CLSTN2: variants seen among roughly 807,000 people sequenced by gnomAD.
The protein encoded by CLSTN2 is calsyntenin 2.
CLSTN2 carries 48 observed loss-of-function variants against 101.2 expected under a neutral mutation model. The observed-to-expected ratio is 0.47, with a 90% CI of 0.38 to 0.60. CLSTN2 has a LOEUF of 0.60. Ranked by LOEUF, CLSTN2 falls within the 20% of genes least tolerant of loss-of-function variation. The probability of loss-of-function intolerance (pLI) is 0.00; values close to 1 mark genes in which losing one functional copy is unlikely to be tolerated. For missense variants in CLSTN2, 1,160 were observed against 1,238.2 expected, an observed-to-expected ratio of 0.94 and a Z score of 0.95; for synonymous variants, 481 against 463.6, an observed-to-expected ratio of 1.04 and a Z score of -0.48.
chr3:140,553,793 T>G (rs6778832), intron 10 of CLSTN2, among the ~76,000 whole-genome samples: 32,500 of 152,112 alleles, frequency 0.21, 4,355 homozygotes, highest in African/African-American at 0.38. Flanking sequence ...GTCATGTGAC[T>G]CTGGCCACCT....
chr3:140,469,616 T>C (rs555305054), intron 8 of CLSTN2, among the ~76,000 whole-genome samples: 1 of 152,332 alleles, frequency 6.6e-6, no homozygotes, highest in African/African-American at 2.4e-5. Flanking sequence ...TCCCCATTCC[T>C]ACTGTTCTGT....
chr3:140,076,626 T>G (rs934431361), intron 1 of CLSTN2, among the ~76,000 whole-genome samples: 2 of 9,972 alleles, frequency 2.0e-4, no homozygotes, highest in East Asian at 1.4e-3. Context: ...ACCAGCAGTG[T>G]TTTTTTTTTT....
intron 2 of CLSTN2, among the ~76,000 whole-genome samples, chr3:140,305,551 C>T (rs1401122275): frequency 6.6e-6 from 1 of 152,128 alleles, no homozygotes; most frequent in Non-Finnish European, 1.5e-5. Context: ...GAGAAGCTCA[C>T]CAGGGACTTT....
intron 2 of CLSTN2, among the ~76,000 whole-genome samples, chr3:140,191,857 C>A (rs148572000): frequency 6.6e-6 from 1 of 151,714 alleles, no homozygotes; most frequent in East Asian, 1.9e-4. Flanking sequence ...TTCTTTATTG[C>A]TTTTCTGTAT....
In CLSTN2 at chr3:140,276,485, T is replaced by C. The variant is rs549902102; in HGVS notation, c.232+100412T>C. ...GCCAAGTACTATCTGAGTCTGGCTT[T>C]CTCTTGAGACTAGGAATTGAGTGTA... is the stretch of plus-strand genomic sequence containing the variant. On this transcript the variant is annotated intron_variant, in intron 2 of 16. Coordinates refer to ENST00000458420, the MANE Select transcript of CLSTN2 (RefSeq NM_022131.3). Among the ~76,000 whole-genome samples the C allele has an allele frequency of 1.1e-4, 16 of 152,274 alleles. No homozygotes were observed. The South Asian group carries it at 3.1e-3, about 30-fold the overall frequency.
At chr3:140,438,999 G>C (rs570519170) in intron 5 of CLSTN2, among the ~76,000 whole-genome samples, 1 of 152,336 alleles carries the variant, frequency 6.6e-6, no homozygotes, top group Non-Finnish European at 1.5e-5. Flanking sequence ...CGGCCCCCCA[G>C]ACAGCCAGGG....
chr3:140,221,163 A>G (rs1257728045), intron 2 of CLSTN2, among the ~76,000 whole-genome samples: 3 of 152,202 alleles, frequency 2.0e-5, no homozygotes, highest in African/African-American at 7.2e-5. Flanking sequence ...AGACACAGCA[A>G]CCCATTGCAG....
chr3:140,040,915 A>T (rs2007748766), intron 1 of CLSTN2, among the ~76,000 whole-genome samples: 1 of 152,058 alleles, frequency 6.6e-6, no homozygotes, highest in Admixed American at 6.6e-5. Context: ...TTCTGGCATG[A>T]TGGGAGGATG....
chr3:140,143,696 A>G (rs764439748), intron 1 of CLSTN2, among the ~76,000 whole-genome samples: 1 of 152,228 alleles, frequency 6.6e-6, no homozygotes, highest in Non-Finnish European at 1.5e-5. Context: ...TGTGCCAGTC[A>G]GGAAGCCTGC....
At chr3:140,325,855 C>G (rs1264305075) in intron 2 of CLSTN2, among the ~76,000 whole-genome samples, 1 of 152,166 alleles carries the variant, frequency 6.6e-6, no homozygotes, top group African/African-American at 2.4e-5. Context: ...GTGGACGCGT[C>G]AGGTTATAAA....
chr3:140,210,263 C>T (rs1027790561), intron 2 of CLSTN2, among the ~76,000 whole-genome samples: 2 of 152,208 alleles, frequency 1.3e-5, no homozygotes, highest in Admixed American at 6.5e-5. Context: ...AAACCCTTAG[C>T]TTATGCTTAC....
intron 1 of CLSTN2, among the ~76,000 whole-genome samples, chr3:140,153,860 C>T (rs1484020328): frequency 1.3e-5 from 2 of 152,050 alleles, no homozygotes; most frequent in African/African-American, 4.8e-5. Flanking sequence ...ACAGCTGAGT[C>T]AGGAAGGGGA....
At chr3:140,345,966 C>A (rs2087542658) in intron 2 of CLSTN2, among the ~76,000 whole-genome samples, 1 of 152,160 alleles carries the variant, frequency 6.6e-6, no homozygotes, top group Non-Finnish European at 1.5e-5. Context: ...TGTCATAGCC[C>A]ATCGTCTCAG....
intron 1 of CLSTN2, among the ~76,000 whole-genome samples, chr3:140,146,319 C>A (rs1337107113): frequency 6.6e-6 from 1 of 152,212 alleles, no homozygotes; most frequent in East Asian, 1.9e-4. Context: ...ATGCAGTGTG[C>A]AACACAGGTT....
chr3:140,227,298 A>C (rs552513822), intron 2 of CLSTN2, among the ~76,000 whole-genome samples: 3 of 152,228 alleles, frequency 2.0e-5, no homozygotes, highest in Admixed American at 2.0e-4. Context: ...GGCTCCATGC[A>C]AGTCTGCAAT....
intron 1 of CLSTN2, among the ~76,000 whole-genome samples, chr3:139,997,777 A>C (rs1296058593): frequency 2.6e-5 from 4 of 152,188 alleles, no homozygotes; most frequent in African/African-American, 9.6e-5. Flanking sequence ...TCAAATGTAC[A>C]TTTAGAGTCA....
intron 5 of CLSTN2, among the ~76,000 whole-genome samples, chr3:140,422,189 TTCTCTCTCTCTCTCTCTC>T (rs3035957): frequency 4.0e-5 from 6 of 148,502 alleles, no homozygotes; most frequent in Admixed American, 1.3e-4. Context: ...CTCTCTTTCT[TTCTCTCTCTCTCTCTCTC>T]TCTCTCTCTC....
chr3:140,189,276 A>G (rs557071233), intron 2 of CLSTN2, among the ~76,000 whole-genome samples: 31 of 152,332 alleles, frequency 2.0e-4, no homozygotes, highest in African/African-American at 7.2e-4. Context: ...TGTCAGGAGT[A>G]TAGTTGCTGG....
At position 140,006,490 on chromosome 3, in the gene CLSTN2, C is replaced by T. The variant is rs183498077; in HGVS notation, c.109+71007C>T. On this transcript the variant is annotated intron_variant, in intron 1 of 16. Transcript: ENST00000458420. ...CAGCCTCCTTCAAATCCCTTGGAAC[C>T]TCTCCAGGCACCTTGGAATCCACGC... Among the ~76,000 whole-genome samples, 118 of 152,286 alleles carry T rather than the reference C, an allele frequency of 7.7e-4. No individual in the cohort carries two copies. The Middle Eastern group carries it at 0.044, about 57-fold the overall frequency.
Sources: gnomAD v4.1 joint callset for allele counts (sites outside exome capture counted in the v4.1 genomes callset) on GRCh38, gnomAD v4.1.1 for gene constraint, MANE v1.5 for transcripts, NCBI Gene and HGNC (gene_info 2026-07-23, HGNC 2026-07-21) for gene names.